Variants in IL1RAPL1 observed in about 807,000 individuals in gnomAD.
IL1RAPL1 encodes the protein interleukin 1 receptor accessory protein like 1.
IL1RAPL1 carries 3 observed loss-of-function variants against 48.4 expected under a neutral mutation model. The observed-to-expected ratio is 0.06, with a 90% CI of 0.03 to 0.16. The LOEUF (loss-of-function observed/expected upper bound fraction) is 0.16. Among genes scored for constraint, IL1RAPL1 ranks in the 10% least tolerant of loss-of-function variants. The pLI, the probability that IL1RAPL1 is intolerant of heterozygous loss-of-function variation, is 1.00. For synonymous variants in IL1RAPL1, 185 were observed against 187.7 expected (o/e 0.99, Z 0.12); for missense variants, 349 against 530.6 (o/e 0.66, Z 3.36).
At chrX:29,196,532 A>G (rs1356133437) in intron 2 of IL1RAPL1, among the ~76,000 whole-genome samples, 1 of 111,747 alleles carries the variant, frequency 8.9e-6, no homozygotes, top group African/African-American at 3.3e-5. Context: ...TGGGCCTGAC[A>G]ATGGAGGAGA....
rs7058177 is a variant in IL1RAPL1 at position 29,721,619 on chromosome X, A to C, written c.778+53115A>C. On this transcript the variant is annotated intron_variant, in intron 6 of 10. Transcript: ENST00000378993. ...GAACTCCACCAGAGAACTTCAGTCC[A>C]TTTAAAAGATGAAGCCAGTTTTAAT... Among the ~76,000 whole-genome samples the C allele has an allele frequency of 2.3e-3, 254 of 112,108 alleles. 1 individual carries two copies. Among genetic ancestry groups the C allele is most frequent in the African/African-American group, 7.9e-3 (244 of 30,904 alleles).
intron 3 of IL1RAPL1, among the ~76,000 whole-genome samples, chrX:29,323,757 A>T (rs1932824493): frequency 3.0e-5 from 1 of 33,559 alleles, no homozygotes; most frequent in Non-Finnish European, 4.9e-5. Context: ...ATATATATAT[A>T]TATATATATA....
chrX:28,916,258 A>G (rs773663432), intron 2 of IL1RAPL1, among the ~76,000 whole-genome samples: 1 of 110,872 alleles, frequency 9.0e-6, no homozygotes, highest in Non-Finnish European at 1.9e-5. Context: ...ACTCCCAGAA[A>G]CACTGTTTCC....
chrX:28,643,364 G>A (rs1013406139), intron 1 of IL1RAPL1, among the ~76,000 whole-genome samples: 3 of 111,200 alleles, frequency 2.7e-5, no homozygotes, highest in Non-Finnish European at 5.7e-5. Context: ...GTGGTTAAGA[G>A]AGGACTTTTG....
chrX:28,745,942 A>G (rs1935971388), intron 1 of IL1RAPL1, among the ~76,000 whole-genome samples: 2 of 112,182 alleles, frequency 1.8e-5, no homozygotes, highest in Non-Finnish European at 3.8e-5. Flanking sequence ...TCATACTAGG[A>G]CAAACTTTTT....
intron 1 of IL1RAPL1, among the ~76,000 whole-genome samples, chrX:28,609,781 G>A (rs2146882650): frequency 9.1e-6 from 1 of 109,619 alleles, no homozygotes; most frequent in African/African-American, 3.3e-5. Context: ...AATGTCTCTG[G>A]TAGAATGTGT....
At chrX:29,479,636 C>T (rs1034237196) in intron 5 of IL1RAPL1, among the ~76,000 whole-genome samples, 12 of 108,868 alleles carry the variant, frequency 1.1e-4, no homozygotes, top group Non-Finnish European at 1.5e-4. Context: ...GCGCAGTGTA[C>T]GCTATAATGT....
intron 5 of IL1RAPL1, among the ~76,000 whole-genome samples, chrX:29,564,511 A>G (rs1029345161): frequency 2.6e-5 from 3 of 113,288 alleles, no homozygotes; most frequent in African/African-American, 6.4e-5. Context: ...TGTGGGCCCA[A>G]TCTTTTGTAA....
chrX:28,667,389 C>T (rs181595317), intron 1 of IL1RAPL1, among the ~76,000 whole-genome samples: 52 of 112,140 alleles, frequency 4.6e-4, no homozygotes, highest in East Asian at 2.8e-3. Flanking sequence ...TATTGTCAAT[C>T]GAATCACTTT....
chrX:28,741,285 A>G (rs767151023), intron 1 of IL1RAPL1, among the ~76,000 whole-genome samples: 3 of 111,577 alleles, frequency 2.7e-5, no homozygotes, highest in Admixed American at 1.9e-4. Flanking sequence ...CATTTCTCTA[A>G]TGGTTAGTGA....
chrX:28,610,546 T>C (rs1323253355), intron 1 of IL1RAPL1, among the ~76,000 whole-genome samples: 2 of 112,513 alleles, frequency 1.8e-5, no homozygotes, highest in Non-Finnish European at 3.8e-5. Context: ...AGTTTATACA[T>C]GGAAAGTATA....
At chrX:29,342,817 T>C (rs1160177161) in intron 3 of IL1RAPL1, among the ~76,000 whole-genome samples, 1 of 112,730 alleles carries the variant, frequency 8.9e-6, no homozygotes, top group Non-Finnish European at 1.9e-5. Flanking sequence ...TGTTTCTCTT[T>C]AAGTTCAAGT....
Position 28,789,350 on chromosome X carries a change from G to A in IL1RAPL1, c.7G>A (p.Ala3Thr). 1 of 1,206,467 alleles carries A rather than the reference G, an allele frequency of 8.3e-7. No homozygotes were observed. MK[A>T]PIPHLILLYA... ...GGCCTTTAAGAGCTGGAAGATGAAA[G>A]CTCCGATTCCACACTTGATTCTCTT... The change falls in exon 2 of 11, where the codon GCT becomes ACT. Residue 3 changes from alanine (A) to threonine (T), a missense_variant. Physicochemically the swap from Ala to Thr is moderately conservative, Grantham distance 58 (BLOSUM62 0). This residue lies in a region of IL1RAPL1 where 238 missense variants were observed against 337.8 expected (regional missense o/e 0.70). Coordinates refer to ENST00000378993, the MANE Select transcript of IL1RAPL1 (RefSeq NM_014271.4).
intron 2 of IL1RAPL1, among the ~76,000 whole-genome samples, chrX:29,012,601 G>GT (rs1926149927): frequency 9.0e-6 from 1 of 111,661 alleles, no homozygotes; most frequent in African/African-American, 3.3e-5. Context: ...AATTATTGAT[G>GT]TTTTGCACAA....
intron 5 of IL1RAPL1, among the ~76,000 whole-genome samples, chrX:29,655,266 T>A (rs771861361): frequency 8.9e-6 from 1 of 112,107 alleles, no homozygotes; most frequent in South Asian, 3.7e-4. Context: ...GTTTCCAAAC[T>A]TCATCTAAAT....
At chrX:29,015,955 C>G (rs901520944) in intron 2 of IL1RAPL1, among the ~76,000 whole-genome samples, 2 of 111,771 alleles carry the variant, frequency 1.8e-5, no homozygotes, top group African/African-American at 6.5e-5. Flanking sequence ...ATGTGTACAA[C>G]AGTTCTTCAT....
intron 2 of IL1RAPL1, among the ~76,000 whole-genome samples, chrX:29,199,760 C>A (rs1407371513): frequency 9.0e-6 from 1 of 111,697 alleles, no homozygotes; most frequent in Non-Finnish European, 1.9e-5. Flanking sequence ...CCCTGGTCTG[C>A]GGCCTTGGGG....
At chrX:29,669,699 T>C (rs1022967115) in intron 6 of IL1RAPL1, among the ~76,000 whole-genome samples, 8 of 111,674 alleles carry the variant, frequency 7.2e-5, no homozygotes, top group Non-Finnish European at 1.5e-4. Context: ...TATCTTTCTT[T>C]GATTCAAGCC....
At chrX:29,885,026 G>A (rs1363273580) in intron 6 of IL1RAPL1, among the ~76,000 whole-genome samples, 1 of 106,377 alleles carries the variant, frequency 9.4e-6, no homozygotes, top group Non-Finnish European at 1.9e-5. Flanking sequence ...GCCCAATCTG[G>A]GTGAATTCTT....
Sources: gnomAD v4.1 joint callset for allele counts (sites outside exome capture counted in the v4.1 genomes callset) on GRCh38, gnomAD v4.1.1 for gene constraint, gnomAD v4.1.1 regional missense constraint, MANE v1.5 for transcripts, NCBI Gene and HGNC (gene_info 2026-07-23, HGNC 2026-07-21) for gene names.